Variants in GRIK4 observed in about 807,000 individuals in gnomAD.
GRIK4 encodes glutamate receptor ionotropic, kainate 4.
GRIK4 carries 40 observed loss-of-function variants against 104.9 expected under a neutral mutation model. The observed-to-expected ratio is 0.38, with a 90% CI of 0.30 to 0.50. GRIK4 has a LOEUF of 0.50. Ranked by LOEUF, GRIK4 falls within the 20% of genes least tolerant of loss-of-function variation. GRIK4 has a pLI of 0.93. For missense variants in GRIK4, 1,047 were observed against 1,308.1 expected (o/e 0.80, Z 3.08); for synonymous variants, 485 against 524.9 (o/e 0.92, Z 1.04).
At chr11:120,705,173 A>C (rs1022831441) in intron 3 of GRIK4, among the ~76,000 whole-genome samples, 2 of 151,278 alleles carry the variant, frequency 1.3e-5, no homozygotes, top group African/African-American at 4.8e-5. Context: ...TTGGCTGTTC[A>C]TAGAGTCCCT....
intron 3 of GRIK4, among the ~76,000 whole-genome samples, chr11:120,767,811 C>T (rs868013391): frequency 1.3e-4 from 20 of 152,014 alleles, no homozygotes; most frequent in Admixed American, 5.3e-4. Context: ...ACTATCATTT[C>T]CCCATTGTGT....
chr11:120,604,851 G>A (rs1429313005), intron 1 of GRIK4, among the ~76,000 whole-genome samples: 1 of 152,150 alleles, frequency 6.6e-6, no homozygotes, highest in Non-Finnish European at 1.5e-5. Context: ...CCAGAAGTGG[G>A]GCCTGGAAGT....
chr11:120,519,709 C>A (rs1019543285), intron 1 of GRIK4, among the ~76,000 whole-genome samples: 1 of 152,136 alleles, frequency 6.6e-6, no homozygotes, highest in African/African-American at 2.4e-5. Flanking sequence ...TGGTAAGAAG[C>A]AGAGTTGAAA....
chr11:120,680,797 G>C (rs900203641), intron 3 of GRIK4, among the ~76,000 whole-genome samples: 2 of 152,214 alleles, frequency 1.3e-5, no homozygotes, highest in African/African-American at 4.8e-5. Context: ...ATTTGTCTTT[G>C]AGTTTGGAAG....
chr11:120,864,070 G>A (rs532568542), intron 9 of GRIK4, among the ~76,000 whole-genome samples: 1 of 152,230 alleles, frequency 6.6e-6, no homozygotes, highest in South Asian at 2.1e-4. Context: ...TCCATTAAAT[G>A]GTTTAAGGGA....
intron 1 of GRIK4, among the ~76,000 whole-genome samples, chr11:120,552,581 G>A (rs996086013): frequency 6.6e-6 from 1 of 152,200 alleles, no homozygotes. Flanking sequence ...GTGGTTGTAA[G>A]TTGAAAATGC....
At chr11:120,611,388 AAC>A (rs1271828731) in intron 1 of GRIK4, among the ~76,000 whole-genome samples, 1 of 152,190 alleles carries the variant, frequency 6.6e-6, no homozygotes, top group East Asian at 1.9e-4. Context: ...TTGCATCCTG[AAC>A]ACACACACTA....
chr11:120,962,823 G>GTTTT, intron 18 of GRIK4, 142 bp downstream of exon 18: 4 of 451,030 alleles, frequency 8.9e-6, no homozygotes, highest in South Asian at 4.3e-5. Context: ...GCATTCTAAA[G>GTTTT]TTTTTTTTTT....
Position 120,524,110 on chromosome 11 carries a change from A to G in GRIK4, c.-159+12223A>G, listed in dbSNP as rs1243226732. On this transcript the variant is annotated intron_variant, in intron 1 of 20. Transcript: ENST00000527524. The surrounding 1 kb of genome is among the most constrained non-coding windows in gnomAD (Gnocchi z 4.5). ...CCTGGCTAATTTTTTGTATTTTAATAGAGACAGGGTTTCATCATGTTAGCC... is the reference window on the plus strand; with the variant it reads ...CCTGGCTAATTTTTTGTATTTTAATGGAGACAGGGTTTCATCATGTTAGCC... 1.3e-5 allele frequency among the ~76,000 whole-genome samples: 2 copies of G among 152,074 alleles called. No individual in the cohort carries two copies. Among genetic ancestry groups the G allele is most frequent in the Non-Finnish European group, 2.9e-5 (2 of 68,012 alleles).
intron 9 of GRIK4, chr11:120,872,785 G>A: frequency 5.4e-6 from 1 of 184,342 alleles, no homozygotes; most frequent in Non-Finnish European, 1.1e-5. Context: ...TTTTGCCAGG[G>A]ACCCCGCATA....
intron 1 of GRIK4, among the ~76,000 whole-genome samples, chr11:120,619,584 A>T (rs1252495798): frequency 6.6e-6 from 1 of 152,088 alleles, no homozygotes; most frequent in Non-Finnish European, 1.5e-5. Context: ...TTGGAGGGGG[A>T]TCCTGGTGGG....
chr11:120,740,005 G>A (rs1229209166), intron 3 of GRIK4, among the ~76,000 whole-genome samples: 1 of 152,204 alleles, frequency 6.6e-6, no homozygotes, highest in Non-Finnish European at 1.5e-5. Context: ...AGCCCATCTG[G>A]TGGCCAAAGG....
At position 120,619,400 on chromosome 11, in the gene GRIK4, T is replaced by C. The variant is rs566139436; in HGVS notation, c.-158-34285T>C. ...ACTTCCTTTATCTCAAATGAGACTT[T>C]GGACTTTTGAGTTAATGCTGGAATG... On this transcript the variant is annotated intron_variant, in intron 1 of 20. Transcript: ENST00000527524. Among the ~76,000 whole-genome samples, 267 of 152,308 alleles carry C rather than the reference T, an allele frequency of 1.8e-3. 1 individual carries two copies. The highest frequency in any genetic ancestry group is 6.2e-3 in the African/African-American group (256 of 41,566).
chr11:120,855,203 G>A (rs951901374), intron 8 of GRIK4, among the ~76,000 whole-genome samples: 2 of 152,202 alleles, frequency 1.3e-5, no homozygotes, highest in Non-Finnish European at 2.9e-5. Context: ...AGTTGGCCAA[G>A]TTCACCAAGC....
At chr11:120,709,257 A>G (rs77291360) in intron 3 of GRIK4, among the ~76,000 whole-genome samples, 8,358 of 151,390 alleles carry the variant, frequency 0.055, 343 homozygotes, top group East Asian at 0.11. Flanking sequence ...CCTCATCTAG[A>G]ATGCTCATTC....
At chr11:120,687,368 T>C (rs1950292014) in intron 3 of GRIK4, among the ~76,000 whole-genome samples, 1 of 152,238 alleles carries the variant, frequency 6.6e-6, no homozygotes, top group African/African-American at 2.4e-5. Flanking sequence ...TTGTAGAATT[T>C]CCAAGTGATT....
intron 3 of GRIK4, among the ~76,000 whole-genome samples, chr11:120,741,140 C>G (rs1951322908): frequency 6.6e-6 from 1 of 152,148 alleles, no homozygotes; most frequent in Non-Finnish European, 1.5e-5. Context: ...TTCTGAGCCC[C>G]TGCATGCATT....
chr11:120,715,508 C>T (rs1057101975), intron 3 of GRIK4, among the ~76,000 whole-genome samples: 7 of 152,136 alleles, frequency 4.6e-5, no homozygotes, highest in Non-Finnish European at 8.8e-5. Flanking sequence ...GTGTTCCACC[C>T]CTCCATGTTC....
intron 1 of GRIK4, among the ~76,000 whole-genome samples, chr11:120,563,698 T>A (rs1948269394): frequency 6.6e-6 from 1 of 152,126 alleles, no homozygotes; most frequent in Admixed American, 6.5e-5. Context: ...TGGAGCCTCC[T>A]CTCAGGAAGT....
Sources: allele counts gnomAD v4.1 joint callset (sites outside exome capture counted in the v4.1 genomes callset), GRCh38; gene constraint gnomAD v4.1.1; non-coding constraint Gnocchi (gnomAD v3.1); transcripts MANE v1.5; gene names NCBI Gene and HGNC (gene_info 2026-07-23, HGNC 2026-07-21).